Variants in NRXN1 observed in about 807,000 individuals in gnomAD.
NRXN1 encodes the protein neurexin 1.
Under a neutral mutation model 150.9 loss-of-function variants are expected in NRXN1, and 39 were observed. That is an observed-to-expected ratio of 0.26 (90% CI 0.20 to 0.34). The LOEUF is 0.34. Ranked by LOEUF, NRXN1 falls within the 10% of genes least tolerant of loss-of-function variation. The pLI is 1.00. For missense variants in NRXN1, 1,815 were observed against 1,949.9 expected (o/e 0.93, Z 1.30); for synonymous variants, 924 against 757.0 (o/e 1.22, Z -3.62).
intron 19 of NRXN1, among the ~76,000 whole-genome samples, chr2:50,090,972 A>C (rs1279973905): frequency 6.6e-6 from 1 of 152,110 alleles, no homozygotes; most frequent in Admixed American, 6.6e-5. Flanking sequence ...CCTTAGTTTT[A>C]AATTTTAACT....
At chr2:50,822,624 A>G (rs1669901396) in intron 5 of NRXN1, among the ~76,000 whole-genome samples, 1 of 152,134 alleles carries the variant, frequency 6.6e-6, no homozygotes, top group Non-Finnish European at 1.5e-5. Context: ...CAAAATGTGA[A>G]TGCTGAGAAA....
intron 5 of NRXN1, among the ~76,000 whole-genome samples, chr2:50,799,601 T>C (rs948692841): frequency 3.3e-5 from 5 of 152,188 alleles, no homozygotes; most frequent in Non-Finnish European, 7.3e-5. Context: ...AACCATTCTG[T>C]TTCTCACTTT....
At chr2:49,945,760 G>T (rs1405698545) in intron 21 of NRXN1, among the ~76,000 whole-genome samples, 1 of 152,082 alleles carries the variant, frequency 6.6e-6, no homozygotes, top group Non-Finnish European at 1.5e-5. Context: ...GTGTATATGT[G>T]CCACATTTTC....
intron 5 of NRXN1, among the ~76,000 whole-genome samples, chr2:50,732,512 T>C (rs1018560163): frequency 4.6e-5 from 7 of 152,172 alleles, no homozygotes; most frequent in Admixed American, 3.3e-4. Flanking sequence ...ATTTAGATCA[T>C]GTTTTCTTTC....
intron 21 of NRXN1, chr2:49,970,359 C>G (rs1234503236): frequency 6.6e-6 from 1 of 151,994 alleles, no homozygotes; most frequent in African/African-American, 2.4e-5. Context: ...AGTGATAATA[C>G]ACATAGTTTA....
intron 9 of NRXN1, among the ~76,000 whole-genome samples, chr2:50,542,301 G>A (rs1389741699): frequency 6.6e-6 from 1 of 151,748 alleles, no homozygotes; most frequent in Non-Finnish European, 1.5e-5. Flanking sequence ...AAGAGAGAGA[G>A]AGAGAGATAG....
intron 18 of NRXN1, among the ~76,000 whole-genome samples, chr2:50,233,256 T>A (rs534261512): frequency 6.6e-6 from 1 of 152,062 alleles, no homozygotes; most frequent in Non-Finnish European, 1.5e-5. Context: ...ATTTCAATAG[T>A]AATATTATAT....
At chr2:50,518,530 A>G (rs2092692234) in intron 12 of NRXN1, among the ~76,000 whole-genome samples, 1 of 151,978 alleles carries the variant, frequency 6.6e-6, no homozygotes, top group Non-Finnish European at 1.5e-5. Flanking sequence ...ATACATACAC[A>G]ATGCCAAGTT....
chr2:50,278,594 G>T (rs1414256947), intron 17 of NRXN1, among the ~76,000 whole-genome samples: 1 of 151,624 alleles, frequency 6.6e-6, no homozygotes, highest in Non-Finnish European at 1.5e-5. Flanking sequence ...TTATATTTAC[G>T]ATTTGTTTTA....
intron 12 of NRXN1, among the ~76,000 whole-genome samples, chr2:50,523,033 C>A (rs1323884510): frequency 6.6e-6 from 1 of 152,086 alleles, no homozygotes; most frequent in Admixed American, 6.6e-5. Flanking sequence ...CAGCACCCAG[C>A]CTCAATTTCG....
At chr2:50,246,952 T>G (rs1274793630) in intron 17 of NRXN1, among the ~76,000 whole-genome samples, 1 of 152,142 alleles carries the variant, frequency 6.6e-6, no homozygotes, top group Non-Finnish European at 1.5e-5. Context: ...ATTCACTTAC[T>G]AATTATTAAT....
intron 17 of NRXN1, among the ~76,000 whole-genome samples, chr2:50,249,525 T>C (rs1211784774): frequency 1.3e-5 from 2 of 152,158 alleles, no homozygotes; most frequent in Non-Finnish European, 2.9e-5. Context: ...AAGCATTTAC[T>C]ATGTATAAAG....
intron 17 of NRXN1, among the ~76,000 whole-genome samples, chr2:50,460,497 G>C (rs543443433): frequency 6.6e-6 from 1 of 151,918 alleles, no homozygotes; most frequent in African/African-American, 2.4e-5. Context: ...TTCTCATATA[G>C]ATACAGACTG....
intron 13 of NRXN1, among the ~76,000 whole-genome samples, chr2:50,498,123 T>A (rs1573261095): frequency 6.6e-6 from 1 of 152,048 alleles, no homozygotes; most frequent in South Asian, 2.1e-4. Context: ...AAGTGATACA[T>A]CTCAGCCTCA....
chr2:50,636,821 AC>A (rs1683299865), intron 5 of NRXN1, among the ~76,000 whole-genome samples: 1 of 152,192 alleles, frequency 6.6e-6, no homozygotes, highest in Admixed American at 6.5e-5. Flanking sequence ...TGCTAGTGTT[AC>A]AGATTGTGTT....
chr2:50,465,380 A>G, intron 17 of NRXN1, 62 bp downstream of exon 17: 1 of 1,483,572 alleles, frequency 6.7e-7, no homozygotes, highest in Non-Finnish European at 9.1e-7. Flanking sequence ...GTTAGACTTT[A>G]GATATCAAAC....
intron 8 of NRXN1, among the ~76,000 whole-genome samples, chr2:50,617,911 A>G (rs1351094578): frequency 6.6e-6 from 1 of 152,222 alleles, no homozygotes; most frequent in Non-Finnish European, 1.5e-5. Flanking sequence ...TTATACACAC[A>G]CAGAAAAAAA....
chr2:50,136,271 G>C (rs1706396327), intron 18 of NRXN1, among the ~76,000 whole-genome samples: 1 of 152,056 alleles, frequency 6.6e-6, no homozygotes, highest in South Asian at 2.1e-4. Context: ...AAAAATTCCT[G>C]AGAAAAATAA....
chr2:50,728,855 A>G (rs1697728814), intron 5 of NRXN1, among the ~76,000 whole-genome samples: 1 of 152,224 alleles, frequency 6.6e-6, no homozygotes, highest in Non-Finnish European at 1.5e-5. Flanking sequence ...TCTCAGGATT[A>G]TAGAGCTAGT....
Sources: gnomAD v4.1 joint callset for allele counts (sites outside exome capture counted in the v4.1 genomes callset) on GRCh38, gnomAD v4.1.1 for gene constraint, MANE v1.5 for transcripts, NCBI Gene and HGNC (gene_info 2026-07-23, HGNC 2026-07-21) for gene names.